LRP1B: variants seen among roughly 807,000 people sequenced by gnomAD.
LRP1B encodes the protein LDL receptor related protein 1B, also known as low-density lipoprotein receptor-related protein 1B.
A neutral mutation model predicts 556.6 loss-of-function variants in LRP1B; 217 were observed. That is an observed-to-expected ratio of 0.39 (90% CI 0.35 to 0.44). The LOEUF is 0.44. Ranked by LOEUF, LRP1B falls within the 20% of genes least tolerant of loss-of-function variation. LRP1B has a pLI of 1.00. For missense variants in LRP1B, 5,053 were observed against 5,620.8 expected, an observed-to-expected ratio of 0.90 and a Z score of 3.23; for synonymous variants, 2,047 against 1,865.8, an observed-to-expected ratio of 1.10 and a Z score of -2.50.
intron 43 of LRP1B, among the ~76,000 whole-genome samples, chr2:140,583,171 C>CTTTTTTTTTTTTTTT (rs1219194754): frequency 2.1e-5 from 1 of 48,020 alleles, no homozygotes; most frequent in Non-Finnish European, 4.9e-5. Context: ...CCTTTTTTTT[C>CTTTTTTTTTTTTTTT]TTTTTTTTTT....
intron 3 of LRP1B, among the ~76,000 whole-genome samples, chr2:141,414,149 A>G (rs1458156628): frequency 6.6e-6 from 1 of 150,550 alleles, no homozygotes; most frequent in African/African-American, 2.4e-5. Flanking sequence ...AGGCAGGAGA[A>G]TGGCGTGAAC....
chr2:140,575,379 A>G (rs62171937), intron 43 of LRP1B, among the ~76,000 whole-genome samples: 64,308 of 151,980 alleles, frequency 0.42, 13,873 homozygotes, highest in Middle Eastern at 0.57. Flanking sequence ...AGACATGAGT[A>G]ATCCATATAG....
At chr2:140,734,221 A>G (rs1687872495) in intron 35 of LRP1B, among the ~76,000 whole-genome samples, 2 of 152,328 alleles carry the variant, frequency 1.3e-5, no homozygotes, top group South Asian at 4.1e-4. Context: ...AAAAGTAAGA[A>G]GAAATGCACA....
rs561816000 is a variant in LRP1B, at chr2:141,176,816, C to T, written c.1013+11605G>A. Among the ~76,000 whole-genome samples the T allele has an allele frequency of 4.6e-5, 7 of 152,000 alleles. No individual in the cohort carries two copies. The South Asian group carries it at 1.0e-3, about 23-fold the overall frequency. ...GAGGATTTTGAAAAAGATGACTCCACCCAATTTGAGATATCTTTTAAAATA... is the reference window on the plus strand; with the variant it reads ...GAGGATTTTGAAAAAGATGACTCCATCCAATTTGAGATATCTTTTAAAATA... On this transcript the variant is annotated intron_variant, in intron 7 of 90. Transcript: ENST00000389484.
At chr2:141,745,607 C>T (rs1411403936) in intron 2 of LRP1B, among the ~76,000 whole-genome samples, 4 of 150,282 alleles carry the variant, frequency 2.7e-5, no homozygotes, top group Admixed American at 6.6e-5. Context: ...AGGGCAAGTC[C>T]AGAAATGCCA....
At chr2:141,178,338 C>T (rs1206435081) in intron 7 of LRP1B, among the ~76,000 whole-genome samples, 2 of 152,114 alleles carry the variant, frequency 1.3e-5, no homozygotes, top group African/African-American at 4.8e-5. Context: ...AGCAGTAGGT[C>T]TTCACCTTCA....
chr2:140,347,662 C>T (rs1337569436), intron 77 of LRP1B, among the ~76,000 whole-genome samples: 1 of 152,022 alleles, frequency 6.6e-6, no homozygotes, highest in African/African-American at 2.4e-5. Flanking sequence ...ACATGGCTAA[C>T]TTCTTCCATT....
At chr2:140,751,965 T>A (rs1408305358) in intron 35 of LRP1B, among the ~76,000 whole-genome samples, 7 of 152,162 alleles carry the variant, frequency 4.6e-5, no homozygotes, top group Non-Finnish European at 1.0e-4. Context: ...AGAGCTTTAT[T>A]ATAGACAGCA....
At chr2:141,779,111 A>C (rs1695162785) in intron 2 of LRP1B, among the ~76,000 whole-genome samples, 1 of 152,130 alleles carries the variant, frequency 6.6e-6, no homozygotes, top group Non-Finnish European at 1.5e-5. Context: ...TTGAATTCAG[A>C]GAGGTTATAT....
At chr2:140,442,728 T>G in intron 65 of LRP1B, 105 bp from the exon 66 acceptor site, 2 of 1,144,178 alleles carry the variant, frequency 1.7e-6, no homozygotes, top group South Asian at 3.0e-5. Flanking sequence ...GAAAAATGTA[T>G]TGTCTTTAAA....
chr2:142,017,696 A>T (rs1703193606), intron 1 of LRP1B, among the ~76,000 whole-genome samples: 1 of 152,002 alleles, frequency 6.6e-6, no homozygotes, highest in Admixed American at 6.6e-5. Context: ...AGAGTTTGAG[A>T]TCAACACAGT....
intron 3 of LRP1B, among the ~76,000 whole-genome samples, chr2:141,390,252 C>T (rs1689998482): frequency 6.6e-6 from 1 of 151,912 alleles, no homozygotes; most frequent in Non-Finnish European, 1.5e-5. Flanking sequence ...GGTGGAAAGC[C>T]ACTCCTCCTA....
chr2:140,311,809 A>ATATTT (rs745545822), intron 83 of LRP1B, among the ~76,000 whole-genome samples: 136 of 152,070 alleles, frequency 8.9e-4, no homozygotes, highest in Non-Finnish European at 1.8e-3. Context: ...GAAGTCAAAG[A>ATATTT]AAAGCAAAGA....
chr2:141,619,685 G>A (rs1688433939), intron 2 of LRP1B, among the ~76,000 whole-genome samples: 1 of 152,162 alleles, frequency 6.6e-6, no homozygotes, highest in African/African-American at 2.4e-5. Context: ...AGTTCAACAA[G>A]AGTAGCAAAA....
chr2:141,001,525 T>C (rs1697423829), intron 15 of LRP1B, among the ~76,000 whole-genome samples: 1 of 152,076 alleles, frequency 6.6e-6, no homozygotes, highest in South Asian at 2.1e-4. Flanking sequence ...TGTGTCCAAG[T>C]GTTCTCATTG....
chr2:140,557,725 C>A (rs1680785889), intron 43 of LRP1B, among the ~76,000 whole-genome samples: 1 of 152,148 alleles, frequency 6.6e-6, no homozygotes. Context: ...AAAATATTCA[C>A]ACAACCATCT....
chr2:141,445,064 G>A (rs981111415), intron 3 of LRP1B, among the ~76,000 whole-genome samples: 4 of 151,994 alleles, frequency 2.6e-5, no homozygotes, highest in Non-Finnish European at 5.9e-5. Context: ...TCCTGGACTT[G>A]TTTTGGTTGG....
chr2:141,967,940 C>T (rs1701607643), intron 1 of LRP1B, among the ~76,000 whole-genome samples: 1 of 151,500 alleles, frequency 6.6e-6, no homozygotes, highest in African/African-American at 2.4e-5. Flanking sequence ...ATGTTTTTGC[C>T]TTAGTCTTAA....
At chr2:141,341,332 T>G (rs1317662858) in intron 3 of LRP1B, among the ~76,000 whole-genome samples, 2 of 152,198 alleles carry the variant, frequency 1.3e-5, no homozygotes, top group Non-Finnish European at 2.9e-5. Flanking sequence ...CAGGGATTTT[T>G]TTTATCTTGA....
Sources: allele counts gnomAD v4.1 joint callset (sites outside exome capture counted in the v4.1 genomes callset), GRCh38; gene constraint gnomAD v4.1.1; transcripts MANE v1.5; gene names NCBI Gene and HGNC (gene_info 2026-07-23, HGNC 2026-07-21).